The following ARHGAP40 variants were observed in gnomAD, a reference collection of about 807,000 sequenced individuals.
ARHGAP40 encodes rho GTPase-activating protein 40.
ARHGAP40 carries 43 observed loss-of-function variants against 73.5 expected under a neutral mutation model. That is an observed-to-expected ratio of 0.58 (90% confidence interval 0.46 to 0.75). The LOEUF is 0.75. Among genes scored for constraint, ARHGAP40 ranks in the 30% least tolerant of loss-of-function variants. ARHGAP40 has a pLI of 0.00. For missense variants in ARHGAP40, 734 were observed against 861.8 expected (o/e 0.85, Z 1.86); for synonymous variants, 300 against 352.8 (o/e 0.85, Z 1.68).
intron 1 of ARHGAP40, among the ~76,000 whole-genome samples, chr20:38,615,823 C>T (rs1409821892): frequency 6.6e-6 from 1 of 152,294 alleles, no homozygotes; most frequent in East Asian, 1.9e-4. Flanking sequence ...GACAAATGAT[C>T]CCCAAACCCA....
chr20:38,608,465 G>A (rs1286638797), intron 1 of ARHGAP40, among the ~76,000 whole-genome samples: 2 of 152,142 alleles, frequency 1.3e-5, no homozygotes, highest in Admixed American at 6.6e-5. Flanking sequence ...TCGGAAGGCA[G>A]CCTTGTGTTT....
chr20:38,648,810 C>A, intron 14 of ARHGAP40, 112 bp downstream of exon 14: 1 of 809,760 alleles, frequency 1.2e-6, no homozygotes, highest in Non-Finnish European at 1.8e-6. Flanking sequence ...GCAGATGAGC[C>A]CTCCCTTCAG....
chr20:38,620,618 C>T (rs568592858), intron 1 of ARHGAP40, among the ~76,000 whole-genome samples: 1 of 152,296 alleles, frequency 6.6e-6, no homozygotes, highest in South Asian at 2.1e-4. Flanking sequence ...CAAACAGATT[C>T]GCAGGAGGCA....
intron 9 of ARHGAP40, among the ~76,000 whole-genome samples, chr20:38,640,256 ACCCAGGCTGGAG>A (rs778319938): frequency 1.1e-4 from 15 of 132,352 alleles, no homozygotes; most frequent in Non-Finnish European, 2.0e-4. Context: ...TTGCTCTGTC[ACCCAGGCTGGAG>A]TGCAGTGGCA....
chr20:38,640,104 C>CTCTTCT (rs1555792534), intron 9 of ARHGAP40, among the ~76,000 whole-genome samples: 13,547 of 144,426 alleles, frequency 0.094, 1,000 homozygotes, highest in African/African-American at 0.21. Context: ...CTTCTTCTTC[C>CTCTTCT]TCCTCTTCTT....
chr20:38,627,196 T>C (rs1015373836), exon 3 of ARHGAP40: 4 of 1,305,398 alleles, frequency 3.1e-6, no homozygotes, highest in Non-Finnish European at 4.0e-6. Flanking sequence ...AGGGATGTCT[T>C]TGGGGTCTTC....
intron 10 of ARHGAP40, among the ~76,000 whole-genome samples, chr20:38,643,270 T>A (rs1351451890): frequency 6.6e-6 from 1 of 152,210 alleles, no homozygotes; most frequent in African/African-American, 2.4e-5. Context: ...GTAGCTCTCA[T>A]CACTTTCTGC....
intron 10 of ARHGAP40, among the ~76,000 whole-genome samples, chr20:38,642,216 A>T (rs1431746225): frequency 6.6e-6 from 1 of 152,096 alleles, no homozygotes; most frequent in African/African-American, 2.4e-5. Flanking sequence ...TTGATCACAG[A>T]CCTCTTTTGT....
chr20:38,639,610 G>A (rs1013097449), intron 9 of ARHGAP40, among the ~76,000 whole-genome samples: 1 of 152,282 alleles, frequency 6.6e-6, no homozygotes, highest in Non-Finnish European at 1.5e-5. Context: ...CATGTGTGCA[G>A]GTGTGTGAGG....
intron 11 of ARHGAP40, among the ~76,000 whole-genome samples, 157 bp from the exon 12 acceptor site, chr20:38,645,890 C>T (rs1294775647): frequency 6.7e-6 from 1 of 149,210 alleles, no homozygotes; most frequent in Admixed American, 6.8e-5. Context: ...CCTCATTCCA[C>T]CAAACCAGTG....
chr20:38,643,414 C>A (rs896739468), intron 10 of ARHGAP40, among the ~76,000 whole-genome samples: 6 of 152,202 alleles, frequency 3.9e-5, no homozygotes, highest in African/African-American at 1.4e-4. Context: ...TGTTCCAGAC[C>A]TGTGGCCCTT....
In ARHGAP40 at chr20:38,648,393, C is replaced by T. The variant is rs187747124; in HGVS notation, c.1881-250C>T. Among the ~76,000 whole-genome samples, 1,230 of 152,354 alleles carry T rather than the reference C, an allele frequency of 8.1e-3. 15 individuals are homozygous for T. The highest frequency in any genetic ancestry group is 0.027 in the African/African-American group (1,142 of 41,582). The stretch of plus-strand genomic sequence containing the variant: ...TCTGATGCCCAGAAGAAAGGGGCCT[C>T]GCAGCGGGGTGCACCCCTGGCTGAG... On this transcript the variant is annotated intron_variant, in intron 13 of 14. Coordinates refer to ENST00000373345, the Ensembl canonical transcript of ARHGAP40.
At chr20:38,645,348 T>C (rs1170819658) in intron 11 of ARHGAP40, among the ~76,000 whole-genome samples, 1 of 152,222 alleles carries the variant, frequency 6.6e-6, no homozygotes, top group Non-Finnish European at 1.5e-5. Flanking sequence ...GTAATACTTC[T>C]TTTTATTGGA....
exon 13 of ARHGAP40, chr20:38,647,099 G>A (rs1443482684): frequency 7.7e-7 from 1 of 1,305,168 alleles, no homozygotes; most frequent in South Asian, 1.2e-5. Context: ...CAAGAAGACA[G>A]TGAGGACATG....
At chr20:38,635,968 C>T (rs1200208104) in intron 6 of ARHGAP40, among the ~76,000 whole-genome samples, 2 of 151,898 alleles carry the variant, frequency 1.3e-5, no homozygotes, top group African/African-American at 2.4e-5. Flanking sequence ...CTCTCATCCT[C>T]CTGGGACCAG....
At chr20:38,627,296 C>A in intron 3 of ARHGAP40, 81 bp downstream of exon 3, 1 of 1,212,136 alleles carries the variant, frequency 8.2e-7, no homozygotes, top group Non-Finnish European at 1.1e-6. Flanking sequence ...ATGCAGTGAT[C>A]CTGCTGAAGG....
At chr20:38,621,898 T>A (rs926238643) in intron 1 of ARHGAP40, among the ~76,000 whole-genome samples, 10 of 151,984 alleles carry the variant, frequency 6.6e-5, no homozygotes, top group Non-Finnish European at 1.5e-4. Flanking sequence ...CTACAAAAAA[T>A]GCAAAAATTA....
chr20:38,648,676 C>T (rs1423193532), exon 14 of ARHGAP40: 1 of 1,305,760 alleles, frequency 7.7e-7, no homozygotes, highest in Non-Finnish European at 1.0e-6. Context: ...ACATCCTCCT[C>T]TATGAAGTTG....
At chr20:38,633,561 T>C (rs2088954557) in intron 5 of ARHGAP40, among the ~76,000 whole-genome samples, 1 of 152,232 alleles carries the variant, frequency 6.6e-6, no homozygotes, top group Non-Finnish European at 1.5e-5. Context: ...ATTATTTGCG[T>C]GCACTCACAG....
Sources: gnomAD v4.1 joint callset for allele counts (sites outside exome capture counted in the v4.1 genomes callset) on GRCh38, gnomAD v4.1.1 for gene constraint, MANE v1.5 for transcripts, NCBI Gene and HGNC (gene_info 2026-07-23, HGNC 2026-07-21) for gene names.